The following CST8 variants were observed in gnomAD, a reference collection of about 807,000 sequenced individuals.
CST8 encodes the protein cystatin-8.
A neutral mutation model predicts 11.8 loss-of-function variants in CST8; 20 were observed. That is an observed-to-expected ratio of 1.70 (90% confidence interval 1.20 to 2.47). The LOEUF is 2.47. Among genes scored for constraint, CST8 ranks in the 30% most tolerant of loss-of-function variants. The pLI, the probability that CST8 is intolerant of heterozygous loss-of-function variation, is 0.00. For missense variants in CST8, 196 were observed against 167.2 expected, an observed-to-expected ratio of 1.17 and a Z score of -0.95; for synonymous variants, 77 against 63.1, an observed-to-expected ratio of 1.22 and a Z score of -1.05.
downstream of CST8, among the ~76,000 whole-genome samples, chr20:23,499,378 G>A (rs149351171): frequency 1.4e-3 from 214 of 152,258 alleles, 1 homozygote; most frequent in African/African-American, 4.9e-3. Flanking sequence ...CTCCTATCCA[G>A]CATTTAATGT....
At chr20:23,493,533 G>T (rs1485492305) in intron 3 of CST8, among the ~76,000 whole-genome samples, 2 of 152,176 alleles carry the variant, frequency 1.3e-5, no homozygotes, top group Non-Finnish European at 2.9e-5. Context: ...TATTCTGGGT[G>T]CTGGAGATTA....
Position 23,493,011 on chromosome 20 carries a change from C to A in CST8, c.285C>A (p.Cys95Ter). The change falls in exon 3 of 4, where the codon TGC becomes TGA. Residue 95 changes from cysteine (C) to a stop codon, truncating the protein, a stop_gained. Transcript: ENST00000246012. LOFTEE classifies it high-confidence loss of function. ...LIDVEIARSD[C>*]RKPLSTNEIC... ...ATGTAGAAATTGCCCGCAGCGATTG[C>A]AGAAAGCCTTTAAGCACTAATGAAA... The A allele has an allele frequency of 6.2e-7, 1 of 1,613,558 alleles. No individual in the cohort carries two copies. The highest frequency in any genetic ancestry group is 8.5e-7 in the Non-Finnish European group (1 of 1,179,640).
At chr20:23,501,698 A>G in the CST8 span, among the ~76,000 whole-genome samples, 1 of 152,236 alleles carries the variant, frequency 6.6e-6, no homozygotes, top group Non-Finnish European at 1.5e-5. Context: ...TGCCCAGGGA[A>G]GAGAGCAAGT....
downstream of CST8, among the ~76,000 whole-genome samples, chr20:23,499,390 T>G (rs1988131987): frequency 6.6e-6 from 1 of 152,216 alleles, no homozygotes; most frequent in Non-Finnish European, 1.5e-5. Flanking sequence ...ATTTAATGTC[T>G]TTTTGCTAAG....
the CST8 span, among the ~76,000 whole-genome samples, chr20:23,504,939 G>A: frequency 6.6e-6 from 1 of 152,042 alleles, no homozygotes; most frequent in Non-Finnish European, 1.5e-5. Flanking sequence ...AGGTATTCTG[G>A]AGCTGGAGGA....
downstream of CST8, among the ~76,000 whole-genome samples, chr20:23,499,338 C>T (rs1241329454): frequency 3.9e-5 from 6 of 152,200 alleles, no homozygotes; most frequent in Admixed American, 2.6e-4. Flanking sequence ...CACAGCCAAA[C>T]TGAAATAAAA....
At chr20:23,492,044 T>A (rs1249612337) in intron 2 of CST8, 146 bp downstream of exon 2, 1 of 647,492 alleles carries the variant, frequency 1.5e-6, no homozygotes, top group Non-Finnish European at 2.7e-6. Context: ...TTCCACAGCA[T>A]CAATAAGGCA....
chr20:23,494,985 G>A (rs1988000221), intron 3 of CST8, among the ~76,000 whole-genome samples: 1 of 152,036 alleles, frequency 6.6e-6, no homozygotes, highest in African/African-American at 2.4e-5. Context: ...TCTCCAGGAG[G>A]CCCCAGTGTC....
chr20:23,492,155 T>C (rs2038980578), intron 2 of CST8, among the ~76,000 whole-genome samples: 1 of 152,232 alleles, frequency 6.6e-6, no homozygotes, highest in Non-Finnish European at 1.5e-5. Context: ...CAAATGTTCA[T>C]GTATTTGCTA....
chr20:23,491,510 C>G lies in CST8; in HGVS notation c.-143-15C>G. 1.6e-6 allele frequency: 1 copy of G among 640,434 alleles called. No individual in the cohort carries two copies. The highest frequency in any genetic ancestry group is 2.8e-6 in the Non-Finnish European group (1 of 363,550). The allele number at this position is 640,434 out of a possible 1,614,324, so 39.7% of individuals were successfully genotyped here. ...AACCCCAAAGAGTGACCCTAATGGC[C>G]TGTCTTGAATCCAGCTGGGCTGACG... On this transcript the variant is annotated splice_polypyrimidine_tract_variant and intron_variant, in intron 1 of 3. Coordinates refer to ENST00000246012, the MANE Select transcript of CST8 (RefSeq NM_005492.4).
At chr20:23,491,371 G>A in intron 1 of CST8, 29 bp downstream of exon 1, 1 of 442,074 alleles carries the variant, frequency 2.3e-6, no homozygotes, top group Non-Finnish European at 4.1e-6. Flanking sequence ...GGGCCGAAGG[G>A]GAGAGGAACT....
the CST8 span, among the ~76,000 whole-genome samples, chr20:23,506,541 T>C: frequency 1.3e-5 from 2 of 152,344 alleles, no homozygotes; most frequent in South Asian, 4.1e-4. Context: ...CTTTTGTCTA[T>C]GCATATTCTT....
chr20:23,494,670 T>C (rs1190103990), intron 3 of CST8, among the ~76,000 whole-genome samples: 1 of 152,226 alleles, frequency 6.6e-6, no homozygotes, highest in African/African-American at 2.4e-5. Flanking sequence ...CATCCATTCA[T>C]TAATCTGTCA....
chr20:23,496,031 G>T, downstream of CST8: 1 of 807,482 alleles, frequency 1.2e-6, no homozygotes. Flanking sequence ...TCTGCTTGGT[G>T]TTTTGTTTTT....
chr20:23,497,101 GA>G (rs1381738182), downstream of CST8, among the ~76,000 whole-genome samples: 1 of 152,210 alleles, frequency 6.6e-6, no homozygotes, highest in Non-Finnish European at 1.5e-5. Flanking sequence ...ACAGGCATAG[GA>G]AATCACAAGA....
downstream of CST8, among the ~76,000 whole-genome samples, chr20:23,498,576 G>A (rs1443769771): frequency 1.3e-5 from 2 of 152,188 alleles, no homozygotes; most frequent in East Asian, 1.9e-4. Context: ...GAGACAAGTG[G>A]AACTTGCCTT....
chr20:23,500,191 G>T (rs562909664), downstream of CST8, among the ~76,000 whole-genome samples: 11 of 152,210 alleles, frequency 7.2e-5, no homozygotes, highest in African/African-American at 2.6e-4. Context: ...CCTCCCACCA[G>T]GCCCCACCAC....
downstream of CST8, among the ~76,000 whole-genome samples, chr20:23,499,437 A>G (rs978457663): frequency 1.3e-5 from 2 of 152,162 alleles, no homozygotes; most frequent in Non-Finnish European, 2.9e-5. Context: ...GTGCATTCAC[A>G]TGGACTCACT....
At chr20:23,496,039 T>A (rs1453156868), downstream of CST8, 2 of 744,450 alleles carry the variant, frequency 2.7e-6, no homozygotes, top group East Asian at 5.3e-5. Context: ...GTGTTTTGTT[T>A]TTTAGTTGCA....
Sources: gnomAD v4.1 joint callset for allele counts (sites outside exome capture counted in the v4.1 genomes callset) on GRCh38, gnomAD v4.1.1 for gene constraint, MANE v1.5 for transcripts, NCBI Gene and HGNC (gene_info 2026-07-23, HGNC 2026-07-21) for gene names.